The following HIPK2 variants were observed in gnomAD, a reference collection of about 807,000 sequenced individuals.
HIPK2 encodes the protein homeodomain-interacting protein kinase 2.
A neutral mutation model predicts 113.7 loss-of-function variants in HIPK2; 27 were observed. That is an observed-to-expected ratio of 0.24 (90% CI 0.17 to 0.33). HIPK2 has a LOEUF of 0.33. HIPK2 is among the 10% of genes least tolerant of loss of function. The pLI is 1.00. For synonymous variants in HIPK2, 631 were observed against 642.2 expected (o/e 0.98, Z 0.26); for missense variants, 1,257 against 1,588.0 (o/e 0.79, Z 3.54).
intron 6 of HIPK2, among the ~76,000 whole-genome samples, chr7:139,625,046 T>C (rs1800378330): frequency 6.6e-6 from 1 of 152,216 alleles, no homozygotes; most frequent in Non-Finnish European, 1.5e-5. Flanking sequence ...AGAAGCTGTC[T>C]GACAGGACTC....
rs1223365139 is a variant in HIPK2 at position 139,589,388 on chromosome 7, T to G, written c.2718-5324A>C. On this transcript the variant is annotated intron_variant, in intron 12 of 14. Coordinates refer to ENST00000406875, the MANE Select transcript of HIPK2 (RefSeq NM_022740.5). Reference sequence around the variant, plus strand: ...ATATCTTCCTTAGGATCTGAGTAGTTTAGAAAATGAGCATTTAAAAAAAAA... The same window carrying G: ...ATATCTTCCTTAGGATCTGAGTAGTGTAGAAAATGAGCATTTAAAAAAAAA... 2.0e-5 allele frequency among the ~76,000 whole-genome samples: 3 copies of G among 148,932 alleles called. No individual in the cohort carries two copies. The East Asian group carries it at 5.8e-4, about 29-fold the overall frequency.
chr7:139,694,211 C>T lies in HIPK2; in HGVS notation c.1103+21721G>A, dbSNP rs145024017. 1.6e-4 allele frequency among the ~76,000 whole-genome samples: 25 copies of T among 152,278 alleles called. No individual in the cohort carries two copies. In the East Asian group the frequency reaches 4.4e-3, roughly 27 times the overall value. Reference sequence around the variant, plus strand: ...TGCTCTTTCTGACTCATGAAATAAACGGATGAACTTTAATCCATCCTCCTG... The same window carrying T: ...TGCTCTTTCTGACTCATGAAATAAATGGATGAACTTTAATCCATCCTCCTG... On this transcript the variant is annotated intron_variant, in intron 2 of 14. Coordinates refer to ENST00000406875, the MANE Select transcript of HIPK2 (RefSeq NM_022740.5).
At chr7:139,733,108 C>G (rs955641182) in intron 1 of HIPK2, among the ~76,000 whole-genome samples, 9 of 152,142 alleles carry the variant, frequency 5.9e-5, no homozygotes, top group African/African-American at 2.2e-4. Context: ...AAGGCTGGCT[C>G]CTCCTTCACC....
At chr7:139,618,284 T>A (rs1569455565) in intron 7 of HIPK2, among the ~76,000 whole-genome samples, 2 of 152,228 alleles carry the variant, frequency 1.3e-5, no homozygotes, top group Non-Finnish European at 2.9e-5. Flanking sequence ...ACAGTATCAG[T>A]GGAGGGAAAG....
At chr7:139,721,213 G>A (rs187415755) in intron 1 of HIPK2, among the ~76,000 whole-genome samples, 1 of 152,334 alleles carries the variant, frequency 6.6e-6, no homozygotes. Context: ...CTTTGCTTCA[G>A]GCAGCAAAAT....
intron 2 of HIPK2, among the ~76,000 whole-genome samples, chr7:139,684,540 G>A (rs898444987): frequency 4.6e-5 from 7 of 152,264 alleles, no homozygotes; most frequent in Non-Finnish European, 7.3e-5. Flanking sequence ...GACACAGTGA[G>A]ACCCTATCTC....
chr7:139,703,784 A>C (rs1794785990), intron 2 of HIPK2, among the ~76,000 whole-genome samples: 1 of 133,890 alleles, frequency 7.5e-6, no homozygotes, highest in Non-Finnish European at 1.6e-5. Context: ...CACCCAACAC[A>C]CACCACACAC....
rs368693856 is a variant in HIPK2 at position 139,620,503 on chromosome 7, C to T, written c.1680G>A (p.Thr560=). Residue 560 remains threonine (T), a synonymous_variant, in exon 7 of 15, where the codon ACG becomes ACA. Transcript: ENST00000406875. ...ICKRRVNMYD[T]VNQSKTPFIT... is the part of the protein sequence containing the mutation. Reference sequence around the variant, plus strand: ...TGAAAGGGGTTTTGCTCTGGTTCACCGTGTCATACATATTCACCCGACGCT... The same window carrying T: ...TGAAAGGGGTTTTGCTCTGGTTCACTGTGTCATACATATTCACCCGACGCT... 9 of 1,614,078 alleles carry T rather than the reference C, an allele frequency of 5.6e-6. No individual in the cohort carries two copies. Among genetic ancestry groups the T allele is most frequent in the East Asian group, 4.5e-5 (2 of 44,874 alleles).
At chr7:139,743,549 T>C in intron 1 of HIPK2, among the ~76,000 whole-genome samples, 1 of 152,214 alleles carries the variant, frequency 6.6e-6, no homozygotes, top group East Asian at 1.9e-4. Context: ...GAGGACTCCA[T>C]GCAGCCAAAA....
At chr7:139,667,422 AT>A (rs1802086502) in intron 2 of HIPK2, among the ~76,000 whole-genome samples, 1 of 152,256 alleles carries the variant, frequency 6.6e-6, no homozygotes. Flanking sequence ...ATATAAAAAT[AT>A]TCATGGCTGG....
At chr7:139,584,164 G>A in intron 12 of HIPK2, 100 bp from the exon 13 acceptor site, 1 of 1,470,864 alleles carries the variant, frequency 6.8e-7, no homozygotes, top group Non-Finnish European at 9.1e-7. Flanking sequence ...AGGCAGAGGG[G>A]AGAGGGCAGG....
chr7:139,691,313 T>C (rs1022917363), intron 2 of HIPK2, among the ~76,000 whole-genome samples: 1 of 152,226 alleles, frequency 6.6e-6, no homozygotes, highest in Non-Finnish European at 1.5e-5. Flanking sequence ...CAGTTGCTGG[T>C]AATTTAGCAC....
intron 2 of HIPK2, among the ~76,000 whole-genome samples, chr7:139,640,500 G>A (rs1419035358): frequency 1.3e-5 from 2 of 152,206 alleles, no homozygotes; most frequent in African/African-American, 2.4e-5. Flanking sequence ...CTGGGTACAG[G>A]TATGAAGACT....
At chr7:139,741,055 G>A (rs1270875864) in intron 1 of HIPK2, among the ~76,000 whole-genome samples, 3 of 152,188 alleles carry the variant, frequency 2.0e-5, no homozygotes, top group East Asian at 3.9e-4. Context: ...GCTGAGGCAG[G>A]AGAACTGCTT....
At chr7:139,614,184 C>G in intron 8 of HIPK2, 102 bp downstream of exon 8, 1 of 1,090,592 alleles carries the variant, frequency 9.2e-7, no homozygotes, top group South Asian at 2.7e-5. Context: ...ATGAGGAGGG[C>G]CTTTCTCCAT....
intron 1 of HIPK2, among the ~76,000 whole-genome samples, chr7:139,724,118 G>C (rs1382546257): frequency 6.7e-6 from 1 of 149,808 alleles, no homozygotes; most frequent in East Asian, 2.0e-4. Flanking sequence ...CAAAATTATA[G>C]AATATGTCAA....
intron 2 of HIPK2, among the ~76,000 whole-genome samples, chr7:139,682,905 G>A (rs543551521): frequency 1.9e-4 from 29 of 152,296 alleles, no homozygotes; most frequent in African/African-American, 7.0e-4. Context: ...CTCCTCTGTA[G>A]GACAGTGGAG....
rs1392398481 is a variant in HIPK2, at chr7:139,716,561, T to C, written c.474A>G (p.Ala158=). The stretch of plus-strand genomic sequence containing the variant: ...TGGCAGTGGCGACAGTGGCCCCGCT[T>C]GCATTATTCTGAATCATGGGTGGAT... ...EEHPPMIQNN[A]SGATVATATT... is the part of the protein sequence containing the mutation. Residue 158 remains alanine (A), a synonymous_variant, in exon 2 of 15, where the codon GCA becomes GCG. Coordinates refer to ENST00000406875, the MANE Select transcript of HIPK2 (RefSeq NM_022740.5). The surrounding 1 kb of genome is among the most constrained non-coding windows in gnomAD (Gnocchi z 9.3). The C allele has an allele frequency of 1.7e-5, 28 of 1,614,018 alleles. No homozygotes were observed. The highest frequency in any genetic ancestry group is 2.4e-5 in the Non-Finnish European group (28 of 1,179,894).
intron 7 of HIPK2, among the ~76,000 whole-genome samples, chr7:139,616,423 T>C (rs114238883): frequency 2.9e-3 from 437 of 152,334 alleles, no homozygotes; most frequent in African/African-American, 0.01. Context: ...TAGTGCCCTG[T>C]TTTCCCTGGT....
Sources: allele counts gnomAD v4.1 joint callset (sites outside exome capture counted in the v4.1 genomes callset), GRCh38; gene constraint gnomAD v4.1.1; non-coding constraint Gnocchi (gnomAD v3.1); transcripts MANE v1.5; gene names NCBI Gene and HGNC (gene_info 2026-07-23, HGNC 2026-07-21).